ASIC4: variants seen among roughly 807,000 people sequenced by gnomAD.
ASIC4 encodes acid sensing ion channel subunit family member 4, also known as acid-sensing ion channel 4.
In ASIC4, 28 loss-of-function variants were observed where a neutral mutation model predicts 53.4. The observed-to-expected ratio is 0.52, with a 90% CI of 0.39 to 0.72. The LOEUF is 0.72. ASIC4 is among the 30% of genes least tolerant of loss of function. The pLI is 0.00. For missense variants in ASIC4, 649 were observed against 729.7 expected (o/e 0.89, Z 1.27); for synonymous variants, 289 against 301.4 (o/e 0.96, Z 0.43).
chr2:219,515,903 A>G (rs890062066), intron 1 of ASIC4, among the ~76,000 whole-genome samples: 1 of 150,076 alleles, frequency 6.7e-6, no homozygotes, highest in Admixed American at 6.7e-5. Flanking sequence ...TCCCTCACAC[A>G]TCCCTCTTTC....
chr2:219,520,102 G>C (rs989995832), intron 1 of ASIC4, among the ~76,000 whole-genome samples: 2 of 152,096 alleles, frequency 1.3e-5, no homozygotes, highest in Non-Finnish European at 2.9e-5. Flanking sequence ...GGGGCCAGGA[G>C]CCTGGGGCCC....
At chr2:219,519,218 G>A (rs762900621) in intron 1 of ASIC4, among the ~76,000 whole-genome samples, 7 of 152,188 alleles carry the variant, frequency 4.6e-5, no homozygotes, top group Non-Finnish European at 1.0e-4. Context: ...ATTGGGGGTT[G>A]TTGTGAGGAT....
At chr2:219,533,019 C>A in intron 5 of ASIC4, 80 bp downstream of exon 5, 2 of 1,433,956 alleles carry the variant, frequency 1.4e-6, no homozygotes, top group South Asian at 1.1e-5. Flanking sequence ...TGTCTTGGAT[C>A]CTCCCCTCCC....
upstream of ASIC4, chr2:219,514,190 G>A (rs1397978537): frequency 2.2e-6 from 2 of 921,728 alleles, no homozygotes; most frequent in Non-Finnish European, 3.1e-6. Flanking sequence ...CGGCTAGGGT[G>A]CAGCAGGAGT....
Position 219,537,730 on chromosome 2 carries a change from GGAACAGGTGA to G in ASIC4, c.1502_1506+5del. On this transcript the variant is annotated splice_donor_variant and splice_donor_region_variant and coding_sequence_variant and intron_variant, in exon 9 of 10. Transcript: ENST00000358078. LOFTEE classifies it high-confidence loss of function. The surrounding 1 kb of genome is among the most constrained non-coding windows in gnomAD (Gnocchi z 4.9). ...CCACTTTGGGGCTTCAGGAGCTGAA[GGAACAGGTGA>G]GGACAAGCTCTAAATGCCTGCAGCA... 1 of 1,613,340 alleles carries G rather than the reference GGAACAGGTGA, an allele frequency of 6.2e-7. No homozygotes were observed. Among genetic ancestry groups the G allele is most frequent in the Non-Finnish European group, 8.5e-7 (1 of 1,179,616 alleles).
intron 1 of ASIC4, among the ~76,000 whole-genome samples, chr2:219,528,000 C>T (rs906525703): frequency 1.3e-5 from 2 of 152,268 alleles, no homozygotes; most frequent in Non-Finnish European, 2.9e-5. Context: ...GTGCTGAATG[C>T]TGAGGGACAT....
At chr2:219,535,049 T>C in intron 5 of ASIC4, 122 bp from the exon 6 acceptor site, 2 of 1,410,578 alleles carry the variant, frequency 1.4e-6, no homozygotes, top group Non-Finnish European at 1.9e-6. Flanking sequence ...GGCTGGCCAG[T>C]AAAGGCCCTC....
rs1463179210 is a variant in ASIC4, at chr2:219,535,259, G to A, written c.1164G>A (p.Arg388=). 6.2e-7 allele frequency: 1 copy of A among 1,613,884 alleles called. No individual in the cohort carries two copies. The highest frequency in any genetic ancestry group is 8.5e-7 in the Non-Finnish European group (1 of 1,179,990). Residue 388 remains arginine (R), a synonymous_variant, in exon 6 of 10, where the codon AGG becomes AGA. Coordinates refer to ENST00000358078, the MANE Select transcript of ASIC4 (RefSeq NM_018674.6). ...TRYGKEISMV[R]IPNRGSARYL... ...ATGGGAAAGAGATCTCCATGGTCAG[G>A]ATCCCCAACAGGGGCTCAGCCCGGT...
Position 219,529,214 on chromosome 2 carries a change from G to A in ASIC4, c.583-2544G>A, listed in dbSNP as rs144519341. On this transcript the variant is annotated intron_variant, in intron 1 of 9. Coordinates refer to ENST00000358078, the MANE Select transcript of ASIC4 (RefSeq NM_018674.6). ...TTCATCCAGATAGAACATGTGAAGCGTTTAGCACAGTGCATGGGGCATACT... is the reference window on the plus strand; with the variant it reads ...TTCATCCAGATAGAACATGTGAAGCATTTAGCACAGTGCATGGGGCATACT... Among the ~76,000 whole-genome samples the A allele has an allele frequency of 1.4e-3, 206 of 152,328 alleles. 1 individual carries two copies. Among genetic ancestry groups the A allele is most frequent in the African/African-American group, 2.2e-3 (92 of 41,576 alleles).
At chr2:219,523,750 T>C (rs1039629715) in intron 1 of ASIC4, among the ~76,000 whole-genome samples, 2 of 152,130 alleles carry the variant, frequency 1.3e-5, no homozygotes, top group Non-Finnish European at 2.9e-5. Flanking sequence ...AATTTATCCA[T>C]TTGTGTGACT....
intron 5 of ASIC4, 51 bp from the exon 6 acceptor site, chr2:219,535,120 C>G: frequency 6.4e-7 from 1 of 1,571,672 alleles, no homozygotes; most frequent in East Asian, 2.3e-5. Flanking sequence ...TGGTGGGCCA[C>G]TGGACCACCC....
chr2:219,535,333 G>A lies in ASIC4; in HGVS notation c.1229+9G>A. 1 of 1,582,824 alleles carries A rather than the reference G, an allele frequency of 6.3e-7. No individual in the cohort carries two copies. The highest frequency in any genetic ancestry group is 8.6e-7 in the Non-Finnish European group (1 of 1,165,268). ...AACGAGACCTACATACGGTATGTGT[G>A]TGTGTGTGTGGGGGGTGGCTGTGTG... On this transcript the variant is annotated intron_variant, in intron 6 of 9. Coordinates refer to ENST00000358078, the MANE Select transcript of ASIC4 (RefSeq NM_018674.6).
In ASIC4 at chr2:219,518,076, A is replaced by G. The variant is rs1694825483; in HGVS notation, c.582+2770A>G. Among the ~76,000 whole-genome samples the G allele has an allele frequency of 6.6e-6, 1 of 151,720 alleles. No individual in the cohort carries two copies. Among genetic ancestry groups the G allele is most frequent in the Non-Finnish European group, 1.5e-5 (1 of 67,924 alleles). On this transcript the variant is annotated intron_variant, in intron 1 of 9. Transcript: ENST00000358078. The surrounding 1 kb of genome is among the most constrained non-coding windows in gnomAD (Gnocchi z 4.8). ...CACGCTCCCTAATATCCCTTCATGC[A>G]CTCCCAATCAGTCAGTCAATCAATC... is the stretch of plus-strand genomic sequence containing the variant.
chr2:219,513,159 G>C (rs1308832335), upstream of ASIC4, among the ~76,000 whole-genome samples: 1 of 152,138 alleles, frequency 6.6e-6, no homozygotes, highest in Non-Finnish European at 1.5e-5. Flanking sequence ...TCTGCGGCTT[G>C]GATCGATGGA....
the ASIC4 span, among the ~76,000 whole-genome samples, chr2:219,508,540 A>G: frequency 1.3e-5 from 2 of 151,412 alleles, no homozygotes; most frequent in Non-Finnish European, 1.5e-5. Context: ...AGATTGAAGG[A>G]GTCACCATTG....
upstream of ASIC4, among the ~76,000 whole-genome samples, chr2:219,510,883 C>T (rs955844212): frequency 6.6e-6 from 1 of 151,968 alleles, no homozygotes; most frequent in Non-Finnish European, 1.5e-5. This position sits in a 1 kb window ranked among gnomAD's most constrained non-coding sequence, Gnocchi z 5.2. Context: ...TCTCCTGCCT[C>T]GTCCGCGGCA....
chr2:219,530,360 A>G (rs888569805), intron 1 of ASIC4, among the ~76,000 whole-genome samples: 1 of 152,256 alleles, frequency 6.6e-6, no homozygotes, highest in African/African-American at 2.4e-5. Flanking sequence ...TCTGCTGTCC[A>G]TGCAGGAGAA....
the ASIC4 span, among the ~76,000 whole-genome samples, chr2:219,508,257 C>T: frequency 6.6e-6 from 1 of 152,192 alleles, no homozygotes; most frequent in African/African-American, 2.4e-5. Context: ...CCCCCCTAGT[C>T]CTGACCCTTC....
At position 219,537,981 on chromosome 2, in the gene ASIC4, C is replaced by A; in HGVS notation, c.1555C>A (p.Leu519Met). The A allele has an allele frequency of 1.2e-6, 2 of 1,613,048 alleles. No individual in the cohort carries two copies. Among genetic ancestry groups the A allele is most frequent in the African/African-American group, 1.3e-5 (1 of 75,028 alleles). ...AGTGGAGGGTGGGGGGGTCAGCAGT[C>A]TGCTCCCCAATCACCACCACCCCCA... ...GRVEGGGVSSLLPNHHHPHGP... is the reference protein window; with the variant it reads ...GRVEGGGVSSMLPNHHHPHGP... The change falls in exon 10 of 10, where the codon CTG (leucine) becomes ATG (methionine). Residue 519 changes from leucine to methionine, a missense_variant. Leu to Met is a conservative substitution (Grantham distance 15). Transcript: ENST00000358078. The surrounding 1 kb of genome is among the most constrained non-coding windows in gnomAD (Gnocchi z 4.9).
Sources: gnomAD v4.1 joint callset for allele counts (sites outside exome capture counted in the v4.1 genomes callset) on GRCh38, gnomAD v4.1.1 for gene constraint, Gnocchi (gnomAD v3.1) non-coding constraint, MANE v1.5 for transcripts, NCBI Gene and HGNC (gene_info 2026-07-23, HGNC 2026-07-21) for gene names.